The following C16orf96 variants were observed in gnomAD, a reference collection of about 807,000 sequenced individuals.
C16orf96 encodes the protein uncharacterized protein C16orf96.
In C16orf96, 108 loss-of-function variants were observed where a neutral mutation model predicts 103.6. That is an observed-to-expected ratio of 1.04 (90% CI 0.89 to 1.22). The LOEUF (loss-of-function observed/expected upper bound fraction) is 1.22. Among genes scored for constraint, C16orf96 ranks in the 50% most tolerant of loss-of-function variants. C16orf96 has a pLI of 0.00. For missense variants in C16orf96, 1,586 were observed against 1,464.2 expected, an observed-to-expected ratio of 1.08 and a Z score of -1.36; for synonymous variants, 566 against 593.5, an observed-to-expected ratio of 0.95 and a Z score of 0.67.
rs147242097 is a variant in C16orf96, at chr16:4,575,317, T to G, written c.837T>G (p.Thr279=). The change falls in exon 5 of 16, where the codon ACT becomes ACG. Residue 279 remains threonine, a synonymous_variant. Coordinates refer to ENST00000444310, the MANE Select transcript of C16orf96 (RefSeq NM_001145011.2). ...EPVQNPQLLQ[T]VWHYEVPELL... is the part of the protein sequence containing the mutation. ...TCCAAAACCCCCAGCTACTGCAGAC[T>G]GTCTGGCATTATGAGGTCCCAGAGC... 2,622 of 1,551,312 alleles carry G rather than the reference T, an allele frequency of 1.7e-3. 30 individuals carry two copies. In the African/African-American group the frequency reaches 0.025, roughly 15 times the overall value.
the C16orf96 span, among the ~76,000 whole-genome samples, chr16:4,545,446 C>T: frequency 1.1e-4 from 16 of 152,320 alleles, no homozygotes; most frequent in African/African-American, 3.6e-4. Context: ...TGTGGCCTGG[C>T]CTCCCAAAGT....
the C16orf96 span, among the ~76,000 whole-genome samples, chr16:4,549,563 C>T: frequency 6.6e-5 from 10 of 151,724 alleles, no homozygotes; most frequent in East Asian, 1.7e-3. Context: ...GTTGGGAGGC[C>T]GAGGCAGGTG....
At chr16:4,591,617 T>A (rs778927022) in intron 9 of C16orf96, 49 bp from the exon 10 acceptor site, 1 of 1,421,348 alleles carries the variant, frequency 7.0e-7, no homozygotes, top group Non-Finnish European at 9.7e-7. Flanking sequence ...GGAGGCAGGG[T>A]GTGAATTCAT....
At chr16:4,553,017 T>C (rs958892719), upstream of C16orf96, among the ~76,000 whole-genome samples, 7 of 152,166 alleles carry the variant, frequency 4.6e-5, no homozygotes, top group Non-Finnish European at 5.9e-5. Flanking sequence ...TGTGTTCTGA[T>C]ACTAGAAAGA....
the C16orf96 span, among the ~76,000 whole-genome samples, chr16:4,539,619 A>T: frequency 6.6e-6 from 1 of 152,104 alleles, no homozygotes; most frequent in Non-Finnish European, 1.5e-5. Context: ...CGAGAGATGG[A>T]GGTTGCAGTG....
upstream of C16orf96, among the ~76,000 whole-genome samples, chr16:4,552,063 T>C (rs1049475132): frequency 6.6e-6 from 1 of 152,210 alleles, no homozygotes; most frequent in Non-Finnish European, 1.5e-5. Flanking sequence ...GTTTACAGCT[T>C]CATCCACGTC....
chr16:4,541,092 T>G, the C16orf96 span, among the ~76,000 whole-genome samples: 1 of 152,076 alleles, frequency 6.6e-6, no homozygotes, highest in African/African-American at 2.4e-5. Context: ...TTTTGTATTT[T>G]TAGTAGAGAC....
intron 14 of C16orf96, 117 bp from the exon 15 acceptor site, chr16:4,599,167 G>C: frequency 1.2e-6 from 1 of 802,876 alleles, no homozygotes. Context: ...AATGGACCGG[G>C]GAGCCTGGGA....
chr16:4,573,965 C>T (rs757614788), intron 2 of C16orf96, among the ~76,000 whole-genome samples: 5 of 149,216 alleles, frequency 3.4e-5, no homozygotes, highest in Non-Finnish European at 5.9e-5. Flanking sequence ...TCCTGAGTAG[C>T]TGGGATTACA....
Position 4,576,294 on chromosome 16 carries a change from C to G in C16orf96, c.1814C>G (p.Ala605Gly). The part of the protein sequence containing the change: ...FVKDAPATKM[A>G]AIATDTAAAG... ...AAGGATGCCCCAGCCACCAAAATGG[C>G]CGCCATTGCAACAGACACGGCTGCA... The change falls in exon 5 of 16, where the codon GCC becomes GGC. Residue 605 changes from alanine (A) to glycine (G), a missense_variant. By Grantham distance (60) the Ala-to-Gly change is moderately conservative (BLOSUM62 0). Coordinates refer to ENST00000444310, the MANE Select transcript of C16orf96 (RefSeq NM_001145011.2). 1 of 1,550,798 alleles carries G rather than the reference C, an allele frequency of 6.4e-7. No homozygotes were observed. The highest frequency in any genetic ancestry group is 8.7e-7 in the Non-Finnish European group (1 of 1,147,000).
chr16:4,542,720 C>A, the C16orf96 span, among the ~76,000 whole-genome samples: 1 of 152,100 alleles, frequency 6.6e-6, no homozygotes, highest in African/African-American at 2.4e-5. Context: ...ATAGCTTCAA[C>A]TGGGAGGCGG....
chr16:4,579,553 CAAAAAAAAAAA>C (rs535480439), intron 6 of C16orf96, among the ~76,000 whole-genome samples: 11 of 51,860 alleles, frequency 2.1e-4, no homozygotes, highest in South Asian at 1.2e-3. Context: ...GGCCCTGTCT[CAAAAAAAAAAA>C]AAAAAAAAAA....
At chr16:4,585,953 G>A (rs1160026394) in intron 7 of C16orf96, among the ~76,000 whole-genome samples, 3 of 152,038 alleles carry the variant, frequency 2.0e-5, no homozygotes, top group Admixed American at 6.6e-5. Context: ...ATAGAGAGAG[G>A]GAAGGATAGA....
At chr16:4,579,089 C>T in intron 6 of C16orf96, 64 bp downstream of exon 6, 2 of 1,393,202 alleles carry the variant, frequency 1.4e-6, no homozygotes, top group South Asian at 1.2e-5. Flanking sequence ...GCTGAAGACT[C>T]CTTGACTCTG....
At chr16:4,587,389 G>A (rs1396383646) in intron 8 of C16orf96, among the ~76,000 whole-genome samples, 2 of 152,072 alleles carry the variant, frequency 1.3e-5, no homozygotes, top group African/African-American at 4.8e-5. Context: ...GTAGCCAGGC[G>A]TGGTGGCAGG....
the C16orf96 span, among the ~76,000 whole-genome samples, chr16:4,541,966 G>T: frequency 5.3e-5 from 8 of 152,320 alleles, no homozygotes; most frequent in East Asian, 1.5e-3. Context: ...AGTGTTTGTG[G>T]CCACTTATAT....
intron 1 of C16orf96, among the ~76,000 whole-genome samples, chr16:4,564,115 G>A (rs959750393): frequency 1.7e-4 from 26 of 152,084 alleles, no homozygotes; most frequent in African/African-American, 6.0e-4. Context: ...GTTGCAGTGA[G>A]CCGAGATTGC....
In C16orf96 at chr16:4,556,532, A is replaced by G; in HGVS notation, c.43A>G (p.Ile15Val). 8 of 1,543,962 alleles carry G rather than the reference A, an allele frequency of 5.2e-6. No individual in the cohort carries two copies. The highest frequency in any genetic ancestry group is 4.1e-5 in the African/African-American group (3 of 72,992). The change falls in exon 1 of 16, where the codon ATC becomes GTC. Residue 15 changes from isoleucine to valine, a missense_variant. Transcript: ENST00000444310. Reference sequence around the variant, plus strand: ...GTTCACCGAGCTGGCCAACATCGCCATCCCACAGTGCGGGGTGCTGAACTT... The same window carrying G: ...GTTCACCGAGCTGGCCAACATCGCCGTCCCACAGTGCGGGGTGCTGAACTT... The part of the protein sequence containing the change: ...LTFTELANIA[I>V]PQCGVLNFKA...
At chr16:4,588,117 C>T (rs1896971041) in intron 8 of C16orf96, 50 bp from the exon 9 acceptor site, 2 of 1,527,748 alleles carry the variant, frequency 1.3e-6, no homozygotes, top group South Asian at 1.2e-5. Flanking sequence ...CCCAGCTTTG[C>T]CTTCCTCCAT....
Sources: gnomAD v4.1 joint callset for allele counts (sites outside exome capture counted in the v4.1 genomes callset) on GRCh38, gnomAD v4.1.1 for gene constraint, MANE v1.5 for transcripts, NCBI Gene and HGNC (gene_info 2026-07-23, HGNC 2026-07-21) for gene names.